SATB2: variants seen among roughly 807,000 people sequenced by gnomAD.
The protein encoded by SATB2 is DNA-binding protein SATB2.
A neutral mutation model predicts 73.4 loss-of-function variants in SATB2; 1 was observed. The ratio of observed to expected loss-of-function variants is 0.01; its 90% CI spans 0.00 to 0.06. The LOEUF (loss-of-function observed/expected upper bound fraction) is 0.06, where lower values mean the gene tolerates loss of function less well. Among genes scored for constraint, SATB2 ranks in the 10% least tolerant of loss-of-function variants. The pLI is 1.00. For missense variants in SATB2, 459 were observed against 945.8 expected (o/e 0.49, Z 6.75); for synonymous variants, 397 against 367.0 (o/e 1.08, Z -0.93).
intron 3 of SATB2, among the ~76,000 whole-genome samples, chr2:199,424,502 G>C (rs1169228515): frequency 1.3e-5 from 2 of 152,122 alleles, no homozygotes; most frequent in African/African-American, 4.8e-5. Flanking sequence ...TAATACTACA[G>C]AAATAAATGA....
chr2:199,339,220 A>G (rs538811147), intron 7 of SATB2, among the ~76,000 whole-genome samples: 2 of 152,278 alleles, frequency 1.3e-5, no homozygotes, highest in South Asian at 4.1e-4. Flanking sequence ...AAAGGTGCCA[A>G]TTAACAACAG....
At chr2:199,437,030 T>A (rs945572328) in intron 2 of SATB2, among the ~76,000 whole-genome samples, 1 of 152,118 alleles carries the variant, frequency 6.6e-6, no homozygotes, top group East Asian at 1.9e-4. Context: ...AATAAAAGAA[T>A]AAAAATGTAA....
chr2:199,277,053 T>C (rs1437141835), intron 10 of SATB2, among the ~76,000 whole-genome samples: 1 of 152,066 alleles, frequency 6.6e-6, no homozygotes, highest in Non-Finnish European at 1.5e-5. Flanking sequence ...AAGTCAGATA[T>C]GAAAGACCAA....
In SATB2 at chr2:199,307,348, T is replaced by C. The variant is rs78091552; in HGVS notation, c.1740+1412A>G. On this transcript the variant is annotated intron_variant, in intron 10 of 10. Transcript: ENST00000417098. ...CTCTTTAATTTTAATTTCAATTAAA[T>C]CTCCAAGTCTGAAAGCCACTGCTCT... Among the ~76,000 whole-genome samples, 37 of 152,260 alleles carry C rather than the reference T, an allele frequency of 2.4e-4. No homozygotes were observed. In the East Asian group the frequency reaches 6.9e-3, roughly 29 times the overall value.
At chr2:199,394,943 GA>G (rs995356897) in intron 3 of SATB2, among the ~76,000 whole-genome samples, 17 of 149,602 alleles carry the variant, frequency 1.1e-4, no homozygotes, top group Admixed American at 3.3e-4. Context: ...ACTTAAATGA[GA>G]AAAAAAAAGA....
In SATB2 at chr2:199,369,461, T is replaced by G. The variant is rs1056342084; in HGVS notation, c.598-754A>C. 2.6e-5 allele frequency among the ~76,000 whole-genome samples: 4 copies of G among 152,178 alleles called. 1 individual carries two copies. The highest frequency in any genetic ancestry group is 5.9e-5 in the Non-Finnish European group (4 of 68,018). On this transcript the variant is annotated intron_variant, in intron 5 of 10. Coordinates refer to ENST00000417098, the MANE Select transcript of SATB2 (RefSeq NM_001172509.2). ...AAAATTATAATTACACACCTTGAAT[T>G]GAACTTCCTACAGAGATGCAGTTAA...
At chr2:199,274,106 A>G (rs1052729321) in intron 10 of SATB2, among the ~76,000 whole-genome samples, 2 of 152,214 alleles carry the variant, frequency 1.3e-5, no homozygotes, top group African/African-American at 2.4e-5. Context: ...GAGTGAGTTC[A>G]CTTTTTAAAA....
At position 199,336,201 on chromosome 2, in the gene SATB2, AAC is replaced by A. The variant is rs1688334299; in HGVS notation, c.1174-7293_1174-7292del. Among the ~76,000 whole-genome samples the A allele has an allele frequency of 2.6e-5, 4 of 152,294 alleles. No homozygotes were observed. In the South Asian group the frequency reaches 8.3e-4, roughly 32 times the overall value. On this transcript the variant is annotated intron_variant, in intron 7 of 10. Coordinates refer to ENST00000417098, the MANE Select transcript of SATB2 (RefSeq NM_001172509.2). The stretch of plus-strand genomic sequence containing the variant: ...GCACAATCCAAGTCAAAATTTATAA[AAC>A]ACATTAGCACCAAAAAGTGAAAGCA...
At chr2:199,331,216 G>GTTT (rs55641518) in intron 7 of SATB2, among the ~76,000 whole-genome samples, 21 of 146,500 alleles carry the variant, frequency 1.4e-4, no homozygotes, top group African/African-American at 4.7e-4. Context: ...TTTGTTTCTT[G>GTTT]TTTTTTTTTT....
At chr2:199,383,168 T>C (rs1029274423) in intron 3 of SATB2, among the ~76,000 whole-genome samples, 3 of 152,220 alleles carry the variant, frequency 2.0e-5, no homozygotes, top group African/African-American at 7.2e-5. Flanking sequence ...AAATAGTGCC[T>C]GGACTCAGAT....
At chr2:199,389,199 A>G (rs538825826) in intron 3 of SATB2, among the ~76,000 whole-genome samples, 11 of 152,254 alleles carry the variant, frequency 7.2e-5, no homozygotes, top group African/African-American at 2.6e-4. Flanking sequence ...AAAAAAGGTG[A>G]AACAAAAATG....
At chr2:199,309,597 T>C (rs1687537624) in intron 9 of SATB2, among the ~76,000 whole-genome samples, 1 of 152,224 alleles carries the variant, frequency 6.6e-6, no homozygotes. Context: ...CACCTGCAAA[T>C]GTCTGCTTCC....
intron 3 of SATB2, among the ~76,000 whole-genome samples, chr2:199,432,977 C>G (rs1484937251): frequency 6.6e-6 from 1 of 151,868 alleles, no homozygotes; most frequent in Non-Finnish European, 1.5e-5. Context: ...AGGCCCAAAG[C>G]AATAAATAAA....
At chr2:199,460,071 T>C (rs189042130), upstream of SATB2, among the ~76,000 whole-genome samples, 9 of 151,660 alleles carry the variant, frequency 5.9e-5, no homozygotes, top group East Asian at 1.8e-3. This position sits in a 1 kb window ranked among gnomAD's most constrained non-coding sequence, Gnocchi z 4.0. Context: ...ACAAGCAGGA[T>C]AGCAATTCTT....
At chr2:199,456,124 G>A in intron 1 of SATB2, 28 bp from the exon 2 acceptor site, 1 of 1,011,032 alleles carries the variant, frequency 9.9e-7, no homozygotes. Context: ...GGAGGAAGGG[G>A]GAGGGAGAAA....
chr2:199,374,701 T>C (rs1270563653), intron 5 of SATB2, among the ~76,000 whole-genome samples: 1 of 152,188 alleles, frequency 6.6e-6, no homozygotes, highest in Non-Finnish European at 1.5e-5. Context: ...CAATGGCTTA[T>C]GCCTATAATC....
At chr2:199,291,765 T>C (rs1344684167) in intron 10 of SATB2, among the ~76,000 whole-genome samples, 1 of 151,716 alleles carries the variant, frequency 6.6e-6, no homozygotes, top group East Asian at 1.9e-4. Flanking sequence ...ATACAAAAAT[T>C]AGCCAGGCAT....
chr2:199,375,697 T>C (rs920526849), intron 5 of SATB2, among the ~76,000 whole-genome samples: 2 of 152,208 alleles, frequency 1.3e-5, no homozygotes, highest in Admixed American at 6.5e-5. Flanking sequence ...ATAACAGGAA[T>C]CTTTTACTCA....
intron 3 of SATB2, among the ~76,000 whole-genome samples, chr2:199,426,423 G>A (rs951673937): frequency 8.6e-5 from 13 of 151,934 alleles, no homozygotes; most frequent in African/African-American, 3.1e-4. Context: ...ACAGTAGCTG[G>A]GATTACAGGT....
Sources: gnomAD v4.1 joint callset for allele counts (sites outside exome capture counted in the v4.1 genomes callset) on GRCh38, gnomAD v4.1.1 for gene constraint, Gnocchi (gnomAD v3.1) non-coding constraint, MANE v1.5 for transcripts, NCBI Gene and HGNC (gene_info 2026-07-23, HGNC 2026-07-21) for gene names.